KALRN: variants seen among roughly 807,000 people sequenced by gnomAD.
KALRN encodes the protein kalirin RhoGEF kinase, also known as kalirin.
In KALRN, 70 loss-of-function variants were observed where a neutral mutation model predicts 353.7. The ratio of observed to expected loss-of-function variants is 0.20; its 90% confidence interval spans 0.16 to 0.24. The LOEUF (loss-of-function observed/expected upper bound fraction) is 0.24, where lower values mean the gene tolerates loss of function less well. Among genes scored for constraint, KALRN ranks in the 10% least tolerant of loss-of-function variants. The pLI, the probability that KALRN is intolerant of heterozygous loss-of-function variation, is 1.00. For missense variants in KALRN, 2,791 were observed against 3,756.7 expected, an observed-to-expected ratio of 0.74 and a Z score of 6.72; for synonymous variants, 1,391 against 1,434.8, an observed-to-expected ratio of 0.97 and a Z score of 0.69.
At chr3:124,623,903 T>G (rs2079617908) in intron 34 of KALRN, among the ~76,000 whole-genome samples, 1 of 152,236 alleles carries the variant, frequency 6.6e-6, no homozygotes, top group Non-Finnish European at 1.5e-5. Context: ...TTTATTCTGA[T>G]TTTTGTCTTC....
Position 124,334,706 on chromosome 3 carries a change from G to A in KALRN, c.1647+211G>A, listed in dbSNP as rs974857396. 2.0e-5 allele frequency among the ~76,000 whole-genome samples: 3 copies of A among 152,212 alleles called. No homozygotes were observed. The highest frequency in any genetic ancestry group is 4.4e-5 in the Non-Finnish European group (3 of 68,044). ...TATTTCTTGCCTAAGTGACTGTATA[G>A]ACTGGCCTTCTCACCACGTGGTATT... On this transcript the variant is annotated intron_variant, in intron 9 of 59. Coordinates refer to ENST00000682506, the MANE Select transcript of KALRN (RefSeq NM_001388419.1). This position sits in a 1 kb window ranked among gnomAD's most constrained non-coding sequence, Gnocchi z 4.2.
At chr3:124,042,432 G>A (rs111531041) in intron 1 of KALRN, among the ~76,000 whole-genome samples, 5 of 152,230 alleles carry the variant, frequency 3.3e-5, no homozygotes, top group Admixed American at 6.5e-5. Flanking sequence ...CATTGGAGTA[G>A]GGGAGGGACT....
At chr3:124,466,295 T>G (rs1009698991) in intron 25 of KALRN, among the ~76,000 whole-genome samples, 7 of 152,116 alleles carry the variant, frequency 4.6e-5, no homozygotes, top group Admixed American at 1.3e-4. Flanking sequence ...GAAATAACTA[T>G]ATAATCATGA....
At chr3:124,321,462 C>T (rs1403697906) in intron 6 of KALRN, among the ~76,000 whole-genome samples, 3 of 152,148 alleles carry the variant, frequency 2.0e-5, no homozygotes, top group African/African-American at 4.8e-5. Flanking sequence ...TTTTTGTAGC[C>T]GGTAGGCGTA....
intron 1 of KALRN, among the ~76,000 whole-genome samples, chr3:124,128,897 C>T (rs2064981996): frequency 1.3e-5 from 2 of 152,060 alleles, no homozygotes; most frequent in African/African-American, 4.8e-5. Context: ...CCTGTCCCCT[C>T]CTCTGTGTTA....
At chr3:124,233,309 C>A (rs1016443161) in intron 2 of KALRN, among the ~76,000 whole-genome samples, 2 of 152,142 alleles carry the variant, frequency 1.3e-5, no homozygotes, top group Non-Finnish European at 2.9e-5. Flanking sequence ...TTTTGGGAAA[C>A]CTTCCATTTA....
At chr3:124,165,495 C>T (rs1297786437) in intron 1 of KALRN, among the ~76,000 whole-genome samples, 1 of 152,128 alleles carries the variant, frequency 6.6e-6, no homozygotes, top group East Asian at 1.9e-4. Context: ...ATGGCTTGTA[C>T]CTATCCACCT....
At chr3:124,162,298 A>C (rs1429109380) in intron 1 of KALRN, 1 of 152,146 alleles carries the variant, frequency 6.6e-6, no homozygotes, top group Non-Finnish European at 1.5e-5. Flanking sequence ...ATTATAAAAG[A>C]AAGAGCTCAC....
chr3:124,084,292 CA>C (rs752106337), intron 1 of KALRN, among the ~76,000 whole-genome samples: 2 of 152,208 alleles, frequency 1.3e-5, no homozygotes, highest in Non-Finnish European at 2.9e-5. Context: ...GTCTTTAGTG[CA>C]CAGGTGTTGT....
chr3:124,504,444 C>T (rs1354419900), intron 33 of KALRN, among the ~76,000 whole-genome samples: 1 of 152,156 alleles, frequency 6.6e-6, no homozygotes, highest in Non-Finnish European at 1.5e-5. Context: ...ATCCTTGCAA[C>T]AGAAAGAAAA....
intron 6 of KALRN, among the ~76,000 whole-genome samples, chr3:124,321,935 G>A (rs2079384655): frequency 6.6e-6 from 1 of 152,278 alleles, no homozygotes; most frequent in Non-Finnish European, 1.5e-5. Context: ...CATATATAGG[G>A]GGGTTTAAAT....
intron 33 of KALRN, among the ~76,000 whole-genome samples, chr3:124,541,847 G>A (rs2069070241): frequency 6.6e-6 from 1 of 152,136 alleles, no homozygotes; most frequent in East Asian, 1.9e-4. Flanking sequence ...AGCTGAGATG[G>A]TGCCACTGCA....
At chr3:124,528,379 A>G (rs2067765897) in intron 33 of KALRN, among the ~76,000 whole-genome samples, 1 of 152,226 alleles carries the variant, frequency 6.6e-6, no homozygotes, top group Non-Finnish European at 1.5e-5. Flanking sequence ...TGTTCAACCT[A>G]GATCTGAGGC....
chr3:124,608,544 C>T (rs2077598984), intron 34 of KALRN, among the ~76,000 whole-genome samples: 1 of 152,096 alleles, frequency 6.6e-6, no homozygotes, highest in Non-Finnish European at 1.5e-5. Flanking sequence ...TTCTTCCCCT[C>T]CCTCCTGATA....
intron 33 of KALRN, among the ~76,000 whole-genome samples, chr3:124,555,683 C>T (rs1021509323): frequency 2.0e-5 from 3 of 152,114 alleles, no homozygotes; most frequent in Non-Finnish European, 4.4e-5. Context: ...ATGGGAGACA[C>T]CTCTCAGACA....
At chr3:124,666,775 C>A (rs2289424) in intron 46 of KALRN, 141 bp downstream of exon 46, 21,450 of 755,396 alleles carry the variant, frequency 0.028, 481 homozygotes, top group East Asian at 0.094. Flanking sequence ...ATGGAGGCTG[C>A]ACGACAGTGA....
intron 34 of KALRN, among the ~76,000 whole-genome samples, chr3:124,628,550 T>A (rs66833836): frequency 0.35 from 34,210 of 98,490 alleles, 5,651 homozygotes; most frequent in African/African-American, 0.46. Flanking sequence ...TCTTTCCTTT[T>A]CTTTCTTTTC....
intron 6 of KALRN, among the ~76,000 whole-genome samples, chr3:124,323,107 T>C (rs547333483): frequency 6.6e-6 from 1 of 152,358 alleles, no homozygotes; most frequent in South Asian, 2.1e-4. Flanking sequence ...AAGCATTTAC[T>C]GTGCTAGTCT....
At chr3:124,457,610 A>T (rs2059449015) in intron 23 of KALRN, among the ~76,000 whole-genome samples, 1 of 152,022 alleles carries the variant, frequency 6.6e-6, no homozygotes, top group South Asian at 2.1e-4. Context: ...CTTTACACAC[A>T]TTTTCTCTTT....
Sources: gnomAD v4.1 joint callset for allele counts (sites outside exome capture counted in the v4.1 genomes callset) on GRCh38, gnomAD v4.1.1 for gene constraint, Gnocchi (gnomAD v3.1) non-coding constraint, MANE v1.5 for transcripts, NCBI Gene and HGNC (gene_info 2026-07-23, HGNC 2026-07-21) for gene names.